DNAJA3: variants seen among roughly 807,000 people sequenced by gnomAD.
DNAJA3 encodes DnaJ heat shock protein family (Hsp40) member A3, also known as dnaJ homolog subfamily A member 3, mitochondrial.
In DNAJA3, 29 loss-of-function variants were observed where a neutral mutation model predicts 54.9. That is an observed-to-expected ratio of 0.53 (90% CI 0.39 to 0.72). The LOEUF is 0.72. Among genes scored for constraint, DNAJA3 ranks in the 30% least tolerant of loss-of-function variants. DNAJA3 has a pLI of 0.00. For missense variants in DNAJA3, 708 were observed against 639.4 expected, an observed-to-expected ratio of 1.11 and a Z score of -1.16; for synonymous variants, 302 against 251.4, an observed-to-expected ratio of 1.20 and a Z score of -1.90.
In DNAJA3 at chr16:4,455,940, T is replaced by G; in HGVS notation, c.*408T>G. On this transcript the variant is annotated 3_prime_UTR_variant, in exon 12 of 12. Coordinates refer to ENST00000262375, the MANE Select transcript of DNAJA3 (RefSeq NM_005147.6). ...TGCATCAAGTTACGAAGTGATTAATTTCCTTCTCAGCAAACCTCCGGGAGG... is the reference window on the plus strand; with the variant it reads ...TGCATCAAGTTACGAAGTGATTAATGTCCTTCTCAGCAAACCTCCGGGAGG... 2 of 285,298 alleles carry G rather than the reference T, an allele frequency of 7.0e-6. No homozygotes were observed. Among genetic ancestry groups the G allele is most frequent in the Admixed American group, 4.6e-5 (1 of 21,532 alleles). 17.7% of individuals were successfully genotyped at this position (285,298 alleles called of 1,614,324 possible).
At chr16:4,450,352 A>C (rs762545551) in intron 9 of DNAJA3, 48 bp from the exon 10 acceptor site, 7 of 1,515,120 alleles carry the variant, frequency 4.6e-6, no homozygotes, top group Non-Finnish European at 5.4e-6. Context: ...AGTTCTTTCC[A>C]AAGCTTCCCG....
intron 8 of DNAJA3, 105 bp downstream of exon 8, chr16:4,447,119 G>GT (rs1167751218): frequency 1.5e-6 from 2 of 1,376,614 alleles, no homozygotes; most frequent in African/African-American, 1.5e-5. Context: ...TGACCAGCAT[G>GT]TGGGGGGGCA....
rs1347569101 is a variant in DNAJA3, at chr16:4,450,412, C to A, written c.1254C>A (p.Ser418Arg). The A allele has an allele frequency of 1.2e-6, 2 of 1,608,830 alleles. No individual in the cohort carries two copies. The highest frequency in any genetic ancestry group is 1.7e-5 in the Admixed American group (1 of 59,410). ...GCTCGGTCCACAGGAGGCTAACGAG[C>A]CGGCAGCAGAGCCTGATCCTGAGCT... ...IKIRVPKRLT[S>R]RQQSLILSYA... Residue 418 changes from serine to arginine, a missense_variant, in exon 10 of 12, where the codon AGC becomes AGA. Transcript: ENST00000262375.
chr16:4,449,237 C>T (rs949272881), intron 9 of DNAJA3, among the ~76,000 whole-genome samples: 2 of 152,008 alleles, frequency 1.3e-5, no homozygotes, highest in African/African-American at 2.4e-5. Context: ...ACCTAGTGAT[C>T]CACCCACCTT....
intron 6 of DNAJA3, 62 bp from the exon 7 acceptor site, chr16:4,444,602 G>GGCAGTCT (rs2056880244): frequency 6.8e-7 from 1 of 1,472,748 alleles, no homozygotes; most frequent in Non-Finnish European, 9.5e-7. Flanking sequence ...CCAAAGTGCT[G>GGCAGTCT]GGATTACAGG....
chr16:4,443,541 C>T (rs2056864118), intron 6 of DNAJA3, among the ~76,000 whole-genome samples: 1 of 152,118 alleles, frequency 6.6e-6, no homozygotes, highest in African/African-American at 2.4e-5. Context: ...TACATCAGCC[C>T]CACGGATCCC....
chr16:4,444,566 C>T (rs984087589), intron 6 of DNAJA3, 98 bp from the exon 7 acceptor site: 26 of 996,130 alleles, frequency 2.6e-5, no homozygotes, highest in African/African-American at 9.6e-5. Flanking sequence ...GATCTCTTGA[C>T]GTCATGATCT....
At chr16:4,427,676 TATTTA>T (rs973162097) in intron 1 of DNAJA3, among the ~76,000 whole-genome samples, 3 of 152,198 alleles carry the variant, frequency 2.0e-5, no homozygotes, top group Non-Finnish European at 2.9e-5. Flanking sequence ...ATTATTTATG[TATTTA>T]ATTATTTTTT....
At chr16:4,439,651 C>G (rs1463472434) in intron 3 of DNAJA3, among the ~76,000 whole-genome samples, 1 of 152,188 alleles carries the variant, frequency 6.6e-6, no homozygotes, top group Non-Finnish European at 1.5e-5. Context: ...TTGCTGACTT[C>G]TGTCTTCAAG....
At chr16:4,428,427 A>G (rs2056651266) in intron 1 of DNAJA3, among the ~76,000 whole-genome samples, 1 of 152,164 alleles carries the variant, frequency 6.6e-6, no homozygotes, top group South Asian at 2.1e-4. Flanking sequence ...AACATTTTCT[A>G]ATGTCAAGGT....
rs2056909787 is a variant in DNAJA3, at chr16:4,446,988, G to A, written c.1099G>A (p.Gly367Ser). ...TCTTGGGGGTACAGCCAGAGCCCAG[G>A]GCCTGTACGAGACGATCAACGTGAC... is the stretch of plus-strand genomic sequence containing the variant. Reference protein sequence around the residue: ...ALLGGTARAQGLYETINVTIP... With the variant: ...ALLGGTARAQSLYETINVTIP... The change falls in exon 8 of 12, where the codon GGC (glycine) becomes AGC (serine). Residue 367 changes from glycine (G) to serine (S), a missense_variant. By Grantham distance (56) the Gly-to-Ser change is moderately conservative. Coordinates refer to ENST00000262375, the MANE Select transcript of DNAJA3 (RefSeq NM_005147.6). 1.2e-6 allele frequency: 2 copies of A among 1,614,102 alleles called. No individual in the cohort carries two copies. Among genetic ancestry groups the A allele is most frequent in the Non-Finnish European group, 1.7e-6 (2 of 1,180,016 alleles).
chr16:4,447,532 C>G (rs1331898216), intron 8 of DNAJA3: 1 of 153,398 alleles, frequency 6.5e-6, no homozygotes, highest in Non-Finnish European at 1.5e-5. Context: ...GGGGTAACCT[C>G]CATGAAGGAG....
chr16:4,435,217 A>G (rs1208134447), intron 2 of DNAJA3, among the ~76,000 whole-genome samples: 5 of 151,984 alleles, frequency 3.3e-5, no homozygotes, highest in Non-Finnish European at 7.4e-5. Flanking sequence ...AACCTGGAAA[A>G]TGTGAAATTC....
intron 3 of DNAJA3, among the ~76,000 whole-genome samples, chr16:4,438,741 T>G (rs1596364093): frequency 1.3e-5 from 2 of 151,002 alleles, no homozygotes; most frequent in Admixed American, 1.3e-4. Context: ...CCTCTCAAAT[T>G]GCTAGGATTA....
chr16:4,432,611 G>A (rs897450137), intron 1 of DNAJA3, among the ~76,000 whole-genome samples: 18 of 152,002 alleles, frequency 1.2e-4, no homozygotes, highest in African/African-American at 3.6e-4. Flanking sequence ...CAAAGTGCTG[G>A]GATTACAGGC....
At chr16:4,433,011 AG>A (rs2141372165) in intron 1 of DNAJA3, among the ~76,000 whole-genome samples, 1 of 152,072 alleles carries the variant, frequency 6.6e-6, no homozygotes, top group African/African-American at 2.4e-5. Context: ...GTGTGGTGGC[AG>A]GCGCCCGTAG....
intron 8 of DNAJA3, 180 bp downstream of exon 8, chr16:4,447,194 T>C: frequency 1.5e-6 from 1 of 680,666 alleles, no homozygotes; most frequent in Non-Finnish European, 2.4e-6. Flanking sequence ...GCCACAGGCC[T>C]TGAGTCTATA....
intron 1 of DNAJA3, 30 bp from the exon 2 acceptor site, chr16:4,434,354 G>C (rs777517802): frequency 1.2e-6 from 2 of 1,608,760 alleles, no homozygotes; most frequent in South Asian, 2.2e-5. Context: ...AACATTCCCA[G>C]AGTGATTTTC....
chr16:4,444,929 ACTT>A (rs1305467872), intron 7 of DNAJA3, among the ~76,000 whole-genome samples: 3 of 152,190 alleles, frequency 2.0e-5, no homozygotes, highest in Non-Finnish European at 2.9e-5. Flanking sequence ...AGAGAAGACA[ACTT>A]CTTCAACATG....
Sources: gnomAD v4.1 joint callset for allele counts (sites outside exome capture counted in the v4.1 genomes callset) on GRCh38, gnomAD v4.1.1 for gene constraint, MANE v1.5 for transcripts, NCBI Gene and HGNC (gene_info 2026-07-23, HGNC 2026-07-21) for gene names.